The following DNAH12 variants were observed in gnomAD, a reference collection of about 807,000 sequenced individuals.
DNAH12 encodes dynein axonemal heavy chain 12, also known as axonemal beta dynein heavy chain 12.
In DNAH12, 285 loss-of-function variants were observed where a neutral mutation model predicts 371.5. The ratio of observed to expected loss-of-function variants is 0.77; its 90% CI spans 0.70 to 0.85. DNAH12 has a LOEUF of 0.85. DNAH12 is among the 40% of genes least tolerant of loss of function. The probability of loss-of-function intolerance (pLI) is 0.00; values close to 1 mark genes in which losing one functional copy is unlikely to be tolerated. For synonymous variants in DNAH12, 1,200 were observed against 1,213.0 expected (o/e 0.99, Z 0.22); for missense variants, 3,611 against 3,689.4 (o/e 0.98, Z 0.55).
upstream of DNAH12, among the ~76,000 whole-genome samples, chr3:57,546,324 T>A (rs62260494): frequency 0.11 from 16,466 of 152,098 alleles, 1,242 homozygotes; most frequent in Non-Finnish European, 0.16. Flanking sequence ...TCCTTAATCA[T>A]CTTGGAGGTG....
chr3:57,451,084 C>A (rs767531739), intron 25 of DNAH12, among the ~76,000 whole-genome samples: 1 of 152,198 alleles, frequency 6.6e-6, no homozygotes, highest in Non-Finnish European at 1.5e-5. Flanking sequence ...GAAACCACAT[C>A]TTTGCTTAAC....
At chr3:57,513,729 G>T (rs1452437226) in intron 4 of DNAH12, among the ~76,000 whole-genome samples, 15 of 151,996 alleles carry the variant, frequency 9.9e-5, no homozygotes, top group African/African-American at 3.6e-4. Flanking sequence ...ATTACAGAAA[G>T]CAAATTTAAA....
At chr3:57,429,841 C>A in intron 32 of DNAH12, 67 bp from the exon 33 acceptor site, 1 of 1,339,214 alleles carries the variant, frequency 7.5e-7, no homozygotes. Flanking sequence ...AAAATTTATA[C>A]TATGTATAAA....
At chr3:57,538,332 T>TAATCACCTGAAGCACTAG (rs2069140202) in intron 2 of DNAH12, among the ~76,000 whole-genome samples, 3 of 65,096 alleles carry the variant, frequency 4.6e-5, no homozygotes, top group African/African-American at 1.1e-4. Flanking sequence ...TACAGCACTA[T>TAATCACCTGAAGCACTAG]GCTTCAGGTA....
intron 60 of DNAH12, among the ~76,000 whole-genome samples, chr3:57,346,916 G>A (rs2062556653): frequency 6.6e-6 from 1 of 151,922 alleles, no homozygotes; most frequent in Non-Finnish European, 1.5e-5. Flanking sequence ...CTCTCACAAG[G>A]GAAAACAGAT....
chr3:57,304,767 C>T lies in DNAH12; in HGVS notation c.11190-2828G>A, dbSNP rs986063710. On this transcript the variant is annotated intron_variant, in intron 69 of 73. Transcript: ENST00000495027. ...CCAGAACCCCCCGACCCCTTTTCTC[C>T]GTGTCTCTACACCTTTTCTGCTTTT... 1.3e-5 allele frequency among the ~76,000 whole-genome samples: 2 copies of T among 152,116 alleles called. 1 individual carries two copies. Among genetic ancestry groups the T allele is most frequent in the South Asian group, 4.2e-4 (2 of 4,812 alleles).
At position 57,334,815 on chromosome 3, in the gene DNAH12, C is replaced by G. The variant is rs768937449; in HGVS notation, c.9800G>C (p.Arg3267Pro). The part of the protein sequence containing the change: ...LQDKSWEEIC[R>P]ASEFPAFRGL... ...TCTGAAGGCAGGAAATTCACTTGCCCGACAGATTTCCTCCCAGCTTTTGTC... is the reference window on the plus strand; with the variant it reads ...TCTGAAGGCAGGAAATTCACTTGCCGGACAGATTTCCTCCCAGCTTTTGTC... The change falls in exon 61 of 74, where the codon CGG (arginine) becomes CCG (proline). Residue 3267 changes from arginine to proline, a missense_variant. Physicochemically the swap from Arg to Pro is moderately radical, Grantham distance 103. Transcript: ENST00000495027. The G allele has an allele frequency of 3.2e-6, 5 of 1,551,720 alleles. No individual in the cohort carries two copies. The highest frequency in any genetic ancestry group is 4.4e-6 in the Non-Finnish European group (5 of 1,147,008).
intron 2 of DNAH12, among the ~76,000 whole-genome samples, chr3:57,532,514 G>T (rs1003781473): frequency 6.6e-6 from 1 of 152,206 alleles, no homozygotes; most frequent in African/African-American, 2.4e-5. Flanking sequence ...GAACTTGGGT[G>T]TTGTGATCTA....
chr3:57,339,326 T>C (rs1255012286), intron 60 of DNAH12, among the ~76,000 whole-genome samples: 1 of 149,564 alleles, frequency 6.7e-6, no homozygotes, highest in Admixed American at 6.7e-5. Flanking sequence ...TATTATCCTA[T>C]GACCCTGCCA....
At chr3:57,442,443 A>G (rs141660434) in intron 29 of DNAH12, among the ~76,000 whole-genome samples, 17 of 152,200 alleles carry the variant, frequency 1.1e-4, no homozygotes, top group African/African-American at 4.1e-4. Context: ...TTTTTTGTCA[A>G]CTGGTAAAAT....
intron 55 of DNAH12, among the ~76,000 whole-genome samples, chr3:57,372,398 A>G (rs2063193994): frequency 6.6e-6 from 1 of 152,110 alleles, no homozygotes; most frequent in South Asian, 2.1e-4. Flanking sequence ...ACAGAAACTC[A>G]AAGAAATTAA....
chr3:57,398,170 C>G (rs950543892), intron 43 of DNAH12, among the ~76,000 whole-genome samples: 17 of 152,242 alleles, frequency 1.1e-4, no homozygotes, highest in African/African-American at 3.4e-4. Context: ...CAACATTAGA[C>G]TTGATTGGGC....
intron 11 of DNAH12, chr3:57,498,565 C>A (rs745837130): frequency 2.1e-5 from 15 of 716,792 alleles, no homozygotes; most frequent in Non-Finnish European, 3.6e-5. Flanking sequence ...AAGCATATGT[C>A]CGCACAAAGA....
chr3:57,373,875 C>T (rs1195677747), intron 55 of DNAH12, among the ~76,000 whole-genome samples: 6 of 152,152 alleles, frequency 3.9e-5, no homozygotes, highest in African/African-American at 1.4e-4. Flanking sequence ...TGAGTGCAAA[C>T]TCAATATGAT....
In DNAH12 at chr3:57,437,035, G is replaced by T. The variant is rs886188556; in HGVS notation, c.4571C>A (p.Ala1524Asp). 2 of 1,514,304 alleles carry T rather than the reference G, an allele frequency of 1.3e-6. No individual in the cohort carries two copies. The highest frequency in any genetic ancestry group is 1.3e-5 in the South Asian group (1 of 74,168). The allele number at this position is 1,514,304 out of a possible 1,614,324, so 93.8% of individuals were successfully genotyped here. ...YHEFLECAHE[A>D]CNVHNLQPVK... is the part of the protein sequence containing the mutation. Reference sequence around the variant, plus strand: ...AGGCTGAAGATTATGTACATTGCAGGCTTCATGAGCACATTCCAAAAATTC... The same window carrying T: ...AGGCTGAAGATTATGTACATTGCAGTCTTCATGAGCACATTCCAAAAATTC... Residue 1524 changes from alanine (A) to aspartate (D), a missense_variant, in exon 30 of 74, where the codon GCC becomes GAC. Physicochemically the swap from Ala to Asp is moderately radical, Grantham distance 126. This residue lies in a region of DNAH12 where 2,266 missense variants were observed against 2,236.9 expected (regional missense o/e 1.01). Transcript: ENST00000495027.
rs2066093752 is a variant in DNAH12 at position 57,462,778 on chromosome 3, T to C, written c.2447A>G (p.Asp816Gly). The C allele has an allele frequency of 6.4e-7, 1 of 1,551,508 alleles. No homozygotes were observed. Among genetic ancestry groups the C allele is most frequent in the Non-Finnish European group, 8.7e-7 (1 of 1,146,934 alleles). Residue 816 changes from aspartate to glycine, a missense_variant, in exon 18 of 74, where the codon GAC becomes GGC. Transcript: ENST00000495027. ...AACTTTTCTCAGTGTAGTTCCAGAGTCTGGAGTCAAGTCATAGCCTACAAT... is the reference window on the plus strand; with the variant it reads ...AACTTTTCTCAGTGTAGTTCCAGAGCCTGGAGTCAAGTCATAGCCTACAAT... Reference protein sequence around the residue: ...SEIVGYDLTPDSGTTLRKVLK... With the variant: ...SEIVGYDLTPGSGTTLRKVLK...
Position 57,379,914 on chromosome 3 carries a change from T to G in DNAH12, c.8082+364A>C, listed in dbSNP as rs948569314. On this transcript the variant is annotated intron_variant, in intron 51 of 73. Coordinates refer to ENST00000495027, the MANE Select transcript of DNAH12 (RefSeq NM_001366028.2). ...AATGGAAACAATGGAAAAGAACAAT[T>G]AAACATTAAGAATAAGAATTTGAAT... 4.1e-5 allele frequency among the ~76,000 whole-genome samples: 6 copies of G among 145,006 alleles called. No homozygotes were observed. The East Asian group carries it at 1.3e-3, about 32-fold the overall frequency.
At chr3:57,355,903 C>T (rs1483477825) in intron 59 of DNAH12, among the ~76,000 whole-genome samples, 1 of 152,146 alleles carries the variant, frequency 6.6e-6, no homozygotes, top group African/African-American at 2.4e-5. Context: ...AAATACCAGA[C>T]ATTGTTATAA....
chr3:57,447,957 G>A (rs551508521), intron 25 of DNAH12, among the ~76,000 whole-genome samples: 4 of 152,264 alleles, frequency 2.6e-5, no homozygotes, highest in East Asian at 3.9e-4. Context: ...TTATAGGCAT[G>A]AGCTACCACA....
Sources: gnomAD v4.1 joint callset for allele counts (sites outside exome capture counted in the v4.1 genomes callset) on GRCh38, gnomAD v4.1.1 for gene constraint, gnomAD v4.1.1 regional missense constraint, MANE v1.5 for transcripts, NCBI Gene and HGNC (gene_info 2026-07-23, HGNC 2026-07-21) for gene names.